The following CYP2A6 variants were observed in gnomAD, a reference collection of about 807,000 sequenced individuals.
The protein encoded by CYP2A6 is cytochrome P450 family 2 subfamily A member 6.
CYP2A6 carries 27 observed loss-of-function variants against 42.3 expected under a neutral mutation model. The observed-to-expected ratio is 0.64, with a 90% confidence interval of 0.47 to 0.88. CYP2A6 has a LOEUF of 0.88. Among genes scored for constraint, CYP2A6 ranks in the 40% least tolerant of loss-of-function variants. CYP2A6 has a pLI of 0.00. For missense variants in CYP2A6, 628 were observed against 646.0 expected (o/e 0.97, Z 0.30); for synonymous variants, 238 against 246.3 (o/e 0.97, Z 0.31).
At position 40,848,326 on chromosome 19, in the gene CYP2A6, T is replaced by C; in HGVS notation, c.547A>G (p.Ser183Gly). The stretch of plus-strand genomic sequence containing the variant: ...AAGCGGTCCCCAAAGACAATGGAGC[T>C]GATGACATTGGAGACTGTGCGGCTC... ...FLSRTVSNVISSIVFGDRFDY... is the reference protein window; with the variant it reads ...FLSRTVSNVIGSIVFGDRFDY... Residue 183 changes from serine to glycine, a missense_variant, in exon 4 of 9, where the codon AGC (serine) becomes GGC (glycine). Physicochemically the swap from Ser to Gly is moderately conservative, Grantham distance 56. Coordinates refer to ENST00000301141, the MANE Select transcript of CYP2A6 (RefSeq NM_000762.6). 1 of 1,611,936 alleles carries C rather than the reference T, an allele frequency of 6.2e-7. No individual in the cohort carries two copies. The highest frequency in any genetic ancestry group is 8.5e-7 in the Non-Finnish European group (1 of 1,179,954).
At position 40,846,094 on chromosome 19, in the gene CYP2A6, C is replaced by T. The variant is rs58261757; in HGVS notation, c.835G>A (p.Glu279Lys). 6.2e-7 allele frequency: 1 copy of T among 1,611,490 alleles called. No homozygotes were observed. Among genetic ancestry groups the T allele is most frequent in the South Asian group, 1.1e-5 (1 of 90,898 alleles). Residue 279 changes from glutamate (E) to lysine (K), a missense_variant, in exon 6 of 9, where the codon GAG becomes AAG. Transcript: ENST00000301141. ...TAGAACTCCGTGTTGGGGTTCTTCT[C>T]CTCCTGCAGGGAGAGGGGGCTTTAG... is the stretch of plus-strand genomic sequence containing the variant. Reference protein sequence around the residue: ...DSFLIRMQEEEKNPNTEFYLK... With the variant: ...DSFLIRMQEEKKNPNTEFYLK...
In CYP2A6 at chr19:40,847,000, G is replaced by A. The variant is rs757773378; in HGVS notation, c.706C>T (p.Gln236Ter). The stretch of plus-strand genomic sequence containing the variant: ...AGCCCTTGCAGCAACTGAAAGGCCT[G>A]TTGCTGTGGTCCTGGCAGGTGTTTC... Reference protein sequence around the residue: ...VMKHLPGPQQQAFQLLQGLED... With the variant: ...VMKHLPGPQQ The change falls in exon 5 of 9, where the codon CAG becomes TAG. Residue 236 changes from glutamine (Q) to a stop codon, truncating the protein, a stop_gained. Transcript: ENST00000301141. LOFTEE classifies it high-confidence loss of function. The A allele has an allele frequency of 2.5e-6, 4 of 1,611,934 alleles. 1 individual carries two copies. The South Asian group carries it at 4.4e-5, about 18-fold the overall frequency.
intron 2 of CYP2A6, among the ~76,000 whole-genome samples, chr19:40,848,971 A>AGG (rs1555783026): frequency 9.2e-5 from 10 of 108,276 alleles, no homozygotes; most frequent in African/African-American, 2.2e-4. Flanking sequence ...AGAGAGAGAG[A>AGG]GAGAGAAGAG....
chr19:40,844,578 G>A (rs914741536), intron 8 of CYP2A6, 53 bp downstream of exon 8: 11 of 1,610,388 alleles, frequency 6.8e-6, no homozygotes, highest in Admixed American at 3.3e-5. Context: ...GGAGGGTGAG[G>A]GAGGCCCCTG....
rs900700658 is a variant in CYP2A6 at position 40,843,625 on chromosome 19, T to G, written c.*171A>C. 139 of 1,071,496 alleles carry G rather than the reference T, an allele frequency of 1.3e-4. No homozygotes were observed. Among genetic ancestry groups the G allele is most frequent in the Non-Finnish European group, 1.7e-4 (130 of 772,090 alleles). The allele number at this position is 1,071,496 out of a possible 1,614,324, so 66.4% of individuals were successfully genotyped here. A position where few individuals can be genotyped will look rare whatever the true frequency, so the allele number is the denominator to read the frequency against. On this transcript the variant is annotated 3_prime_UTR_variant, in exon 9 of 9. Coordinates refer to ENST00000301141, the MANE Select transcript of CYP2A6 (RefSeq NM_000762.6). ...CCTCTCATCCCAGCTCGGAAGCACC[T>G]TATCAAGGTGAACTGAGCCGCTTCT...
chr19:40,846,483 C>A (rs1247313217), intron 5 of CYP2A6, among the ~76,000 whole-genome samples: 1 of 151,366 alleles, frequency 6.6e-6, no homozygotes, highest in Non-Finnish European at 1.5e-5. Context: ...ACCATGCAGG[C>A]TCACTTACTT....
At chr19:40,847,398 T>C (rs1463838896) in intron 4 of CYP2A6, among the ~76,000 whole-genome samples, 1 of 151,442 alleles carries the variant, frequency 6.6e-6, no homozygotes, top group East Asian at 2.0e-4. Context: ...GTGGGGCTGG[T>C]ATGAGGTGAG....
At chr19:40,845,592 G>A in intron 6 of CYP2A6, 111 bp from the exon 7 acceptor site, 1 of 1,500,534 alleles carries the variant, frequency 6.7e-7, no homozygotes, top group Non-Finnish European at 9.0e-7. Context: ...TGAGACGGAA[G>A]TAGAGCATTC....
At position 40,846,932 on chromosome 19, in the gene CYP2A6, C is replaced by T. The variant is rs372458720; in HGVS notation, c.774G>A (p.Thr258=). The change falls in exon 5 of 9, where the codon ACG becomes ACA. Residue 258 remains threonine (T), a synonymous_variant. Transcript: ENST00000301141. The part of the protein sequence containing the change: ...IAKKVEHNQR[T]LDPNSPRDFI... ...AGTCCCGTGGGGAATTGGGATCCAG[C>T]GTGCGCTGGTTGTGCTCCACCTTCT... 17 of 1,611,986 alleles carry T rather than the reference C, an allele frequency of 1.1e-5. No homozygotes were observed. Among genetic ancestry groups the T allele is most frequent in the African/African-American group, 2.7e-5 (2 of 74,748 alleles).
intron 4 of CYP2A6, among the ~76,000 whole-genome samples, chr19:40,848,003 G>T (rs1034272347): frequency 1.3e-5 from 2 of 151,772 alleles, no homozygotes; most frequent in East Asian, 4.0e-4. Context: ...CTCTGTTTTG[G>T]GGAGCATCTG....
chr19:40,845,920 C>G, intron 6 of CYP2A6, 36 bp downstream of exon 6: 1 of 1,605,472 alleles, frequency 6.2e-7, no homozygotes, highest in East Asian at 2.3e-5. Context: ...TTTTGAGGGT[C>G]TGGGGCCCTC....
chr19:40,845,355 G>A lies in CYP2A6; in HGVS notation c.1100C>T (p.Pro367Leu). The A allele has an allele frequency of 6.2e-7, 1 of 1,611,626 alleles. No homozygotes were observed. Among genetic ancestry groups the A allele is most frequent in the Non-Finnish European group, 8.5e-7 (1 of 1,179,884 alleles). ...TTTGACTCTGCGGGCCAAACTCATGGGGATCACGTCTCCAAATCTTTGGAT... is the reference window on the plus strand; with the variant it reads ...TTTGACTCTGCGGGCCAAACTCATGAGGATCACGTCTCCAAATCTTTGGAT... The part of the protein sequence containing the change: ...HEIQRFGDVI[P>L]MSLARRVKKD... The change falls in exon 7 of 9, where the codon CCC becomes CTC. Residue 367 changes from proline (P) to leucine (L), a missense_variant. By Grantham distance (98) the Pro-to-Leu change is moderately conservative. Around this residue, in one of 2 missense-constraint regions of CYP2A6, gnomAD observed 606 missense variants for 568.1 expected, o/e 1.07. Transcript: ENST00000301141.
In CYP2A6 at chr19:40,850,260, T is replaced by G; in HGVS notation, c.167A>C (p.Asn56Thr). 6.2e-7 allele frequency: 1 copy of G among 1,608,526 alleles called. No homozygotes were observed. The highest frequency in any genetic ancestry group is 8.5e-7 in the Non-Finnish European group (1 of 1,177,994). Residue 56 changes from asparagine (N) to threonine (T), a missense_variant, in exon 1 of 9, where the codon AAC becomes ACC. Physicochemically the swap from Asn to Thr is moderately conservative, Grantham distance 65. This residue lies in a region of CYP2A6 where 606 missense variants were observed against 568.1 expected (regional missense o/e 1.07). Coordinates refer to ENST00000301141, the MANE Select transcript of CYP2A6 (RefSeq NM_000762.6). ...YLQLNTEQMY[N>T]SLMKISERYG... Reference sequence around the variant, plus strand: ...GCCTTGGGACACCTTCATGAGGGAGTTGTACATCTGCTCTGTGTTCAGCTG... The same window carrying G: ...GCCTTGGGACACCTTCATGAGGGAGGTGTACATCTGCTCTGTGTTCAGCTG...
At chr19:40,849,174 A>G (rs536649338) in intron 2 of CYP2A6, among the ~76,000 whole-genome samples, 2 of 150,460 alleles carry the variant, frequency 1.3e-5, no homozygotes, top group African/African-American at 2.5e-5. Flanking sequence ...ATAAGGGGAC[A>G]CTCCATGGAG....
rs28399441 is a variant in CYP2A6, at chr19:40,848,648, C to A, written c.459G>T (p.Ala153=). ...CCCGGAGGGCGTCGATGAGGAAGCC[C>A]GCCTCCTCCTGGATGCGCTCCTCGA... ...RGIEERIQEE[A]GFLIDALRGT... The change falls in exon 3 of 9, where the codon GCG becomes GCT. Residue 153 remains alanine, a synonymous_variant. Transcript: ENST00000301141. 1.9e-6 allele frequency: 3 copies of A among 1,611,552 alleles called. No individual in the cohort carries two copies. The highest frequency in any genetic ancestry group is 2.5e-6 in the Non-Finnish European group (3 of 1,179,874).
At chr19:40,849,077 A>G (rs1967173057) in intron 2 of CYP2A6, among the ~76,000 whole-genome samples, 1 of 147,010 alleles carries the variant, frequency 6.8e-6, no homozygotes, top group Non-Finnish European at 1.5e-5. Flanking sequence ...AGAGAGAGAG[A>G]GAGAGAGAGA....
rs1361286546 is a variant in CYP2A6 at position 40,846,024 on chromosome 19, C to T, written c.905G>A (p.Gly302Asp). The stretch of plus-strand genomic sequence containing the variant: ...CAGGGTGGTGCTGACGGTCTCGGTG[C>T]CCCCAATGAAGAGGTTCAACGTGGT... ...VMTTLNLFIG[G>D]TETVSTTLRY... Residue 302 changes from glycine to aspartate, a missense_variant, in exon 6 of 9, where the codon GGC (glycine) becomes GAC (aspartate). This residue lies in a region of CYP2A6 where 606 missense variants were observed against 568.1 expected (regional missense o/e 1.07). Coordinates refer to ENST00000301141, the MANE Select transcript of CYP2A6 (RefSeq NM_000762.6). 2 of 1,611,364 alleles carry T rather than the reference C, an allele frequency of 1.2e-6. No individual in the cohort carries two copies. Among genetic ancestry groups the T allele is most frequent in the Admixed American group, 1.7e-5 (1 of 59,934 alleles).
intron 2 of CYP2A6, among the ~76,000 whole-genome samples, 192 bp from the exon 3 acceptor site, chr19:40,848,955 AGAGAG>A (rs1568515962): frequency 3.0e-5 from 4 of 132,944 alleles, no homozygotes; most frequent in African/African-American, 1.2e-4. Flanking sequence ...AGAGAGAGAG[AGAGAG>A]AGAGAGAGAG....
intron 2 of CYP2A6, among the ~76,000 whole-genome samples, chr19:40,848,993 A>AGAGGG: frequency 8.7e-6 from 1 of 114,632 alleles, no homozygotes; most frequent in African/African-American, 3.8e-5. Context: ...GAGAGGAGAG[A>AGAGGG]GAGAGAGAGA....
Sources: gnomAD v4.1 joint callset for allele counts (sites outside exome capture counted in the v4.1 genomes callset) on GRCh38, gnomAD v4.1.1 for gene constraint, gnomAD v4.1.1 regional missense constraint, MANE v1.5 for transcripts, NCBI Gene and HGNC (gene_info 2026-07-23, HGNC 2026-07-21) for gene names.